VSIG2: variants seen among roughly 807,000 people sequenced by gnomAD.
The protein encoded by VSIG2 is V-set and immunoglobulin domain containing 2.
Under a neutral mutation model 29.4 loss-of-function variants are expected in VSIG2, and 30 were observed. The observed-to-expected ratio is 1.02, with a 90% CI of 0.76 to 1.38. The LOEUF (loss-of-function observed/expected upper bound fraction) is 1.38. Ranked by LOEUF, VSIG2 falls within the 40% of genes most tolerant of loss-of-function variation. VSIG2 has a pLI of 0.00. For synonymous variants in VSIG2, 178 were observed against 174.2 expected (o/e 1.02, Z -0.17); for missense variants, 421 against 400.8 (o/e 1.05, Z -0.43).
At chr11:124,751,648 C>G in intron 1 of VSIG2, 68 bp from the exon 2 acceptor site, 1 of 1,466,408 alleles carries the variant, frequency 6.8e-7, no homozygotes, top group Non-Finnish European at 9.0e-7. Context: ...GGCCCACCCC[C>G]GGGCATCTAT....
chr11:124,749,888 A>C lies in VSIG2; in HGVS notation c.428-22T>G, dbSNP rs537866915. The C allele has an allele frequency of 1.1e-4, 174 of 1,536,478 alleles. 1 individual carries two copies. Among genetic ancestry groups the C allele is most frequent in the East Asian group, 3.7e-4 (16 of 43,794 alleles). ...GGAACTGCAAAAAAAAAAAAAAAAA[A>C]AAAAAAACAGAAAGTTCCTCAGCAA... On this transcript the variant is annotated intron_variant, in intron 3 of 6. Coordinates refer to ENST00000326621, the MANE Select transcript of VSIG2 (RefSeq NM_014312.5).
intron 3 of VSIG2, 120 bp from the exon 4 acceptor site, chr11:124,749,986 T>G: frequency 8.6e-7 from 1 of 1,163,076 alleles, no homozygotes; most frequent in Non-Finnish European, 1.2e-6. Context: ...ACAGTGGTCC[T>G]CTTGGGTCCA....
chr11:124,752,167 T>C lies in VSIG2; in HGVS notation c.-30A>G. The C allele has an allele frequency of 6.5e-7, 1 of 1,543,270 alleles. No individual in the cohort carries two copies. The highest frequency in any genetic ancestry group is 8.7e-7 in the Non-Finnish European group (1 of 1,151,742). ...GCGTCCGGCCGTCCTGTCCTGCTCC[T>C]GCCAGGTGGGCGGTCAAGGTCGGTC... On this transcript the variant is annotated 5_prime_UTR_variant, in exon 1 of 7. Transcript: ENST00000326621.
chr11:124,749,869 G>GCAAAACAAAAAAAAAA lies in VSIG2; in HGVS notation c.428-4_428-3insTTTTTTTTTTGTTTTG. ...GCATAAGGGATTACTGGGGGGAACT[G>GCAAAACAAAAAAAAAA]CAAAAAAAAAAAAAAAAAAAAAAAA... is the stretch of plus-strand genomic sequence containing the variant. On this transcript the variant is annotated splice_polypyrimidine_tract_variant and splice_region_variant and intron_variant, in intron 3 of 6. Coordinates refer to ENST00000326621, the MANE Select transcript of VSIG2 (RefSeq NM_014312.5). 1 of 559,102 alleles carries GCAAAACAAAAAAAAAA rather than the reference G, an allele frequency of 1.8e-6. No individual in the cohort carries two copies. The highest frequency in any genetic ancestry group is 7.1e-5 in the South Asian group (1 of 13,990). The allele number at this position is 559,102 out of a possible 1,614,324, so 34.6% of individuals were successfully genotyped here.
chr11:124,748,601 C>A (rs370176409), intron 5 of VSIG2, 43 bp downstream of exon 5: 1 of 1,607,300 alleles, frequency 6.2e-7, no homozygotes, highest in Non-Finnish European at 8.5e-7. Flanking sequence ...GACAGCTTCC[C>A]CAACACAAGG....
rs761949825 is a variant in VSIG2, at chr11:124,748,756, C to T, written c.594G>A (p.Val198=). Residue 198 remains valine (V), a synonymous_variant, in exon 5 of 7, where the codon GTG becomes GTA. Coordinates refer to ENST00000326621, the MANE Select transcript of VSIG2 (RefSeq NM_014312.5). The part of the protein sequence containing the change: ...PSPGSMVQDE[V]SGQLILTNLS... ...GGTTGGTGAGAATGAGCTGGCCAGACACCTCATCTAGAGGATGAAGAGGAA... is the reference window on the plus strand; with the variant it reads ...GGTTGGTGAGAATGAGCTGGCCAGATACCTCATCTAGAGGATGAAGAGGAA... 2 of 1,614,168 alleles carry T rather than the reference C, an allele frequency of 1.2e-6. No homozygotes were observed. Among genetic ancestry groups the T allele is most frequent in the East Asian group, 4.5e-5 (2 of 44,884 alleles).
rs765482100 is a variant in VSIG2 at position 124,748,759 on chromosome 11, C to T, written c.591G>A (p.Glu197=). ...TGGTGAGAATGAGCTGGCCAGACACCTCATCTAGAGGATGAAGAGGAAGTG... is the reference window on the plus strand; with the variant it reads ...TGGTGAGAATGAGCTGGCCAGACACTTCATCTAGAGGATGAAGAGGAAGTG... ...TPSPGSMVQD[E]VSGQLILTNL... The change falls in exon 5 of 7, where the codon GAG becomes GAA. Residue 197 remains glutamate, a synonymous_variant. Coordinates refer to ENST00000326621, the MANE Select transcript of VSIG2 (RefSeq NM_014312.5). 6.2e-7 allele frequency: 1 copy of T among 1,614,136 alleles called. No individual in the cohort carries two copies. The highest frequency in any genetic ancestry group is 1.7e-5 in the Admixed American group (1 of 60,020).
chr11:124,748,764 C>G lies in VSIG2; in HGVS notation c.587-1G>C. The G allele has an allele frequency of 6.2e-7, 1 of 1,614,176 alleles. No homozygotes were observed. The highest frequency in any genetic ancestry group is 8.5e-7 in the Non-Finnish European group (1 of 1,180,034). On this transcript the variant is annotated splice_acceptor_variant, in intron 4 of 6. Coordinates refer to ENST00000326621, the MANE Select transcript of VSIG2 (RefSeq NM_014312.5). LOFTEE classifies it high-confidence loss of function. ...AGAATGAGCTGGCCAGACACCTCAT[C>G]TAGAGGATGAAGAGGAAGTGTTCCA...
chr11:124,749,685 T>C, intron 4 of VSIG2, 23 bp downstream of exon 4: 1 of 1,608,256 alleles, frequency 6.2e-7, no homozygotes, highest in Non-Finnish European at 8.5e-7. Flanking sequence ...CAGTACCCTC[T>C]TCCTGATGCC....
rs7125639 is a variant in VSIG2, at chr11:124,751,420, C to T, written c.219+3G>A. 4.3e-3 allele frequency: 6,946 copies of T among 1,611,472 alleles called. 180 individuals are homozygous for T. The African/African-American group carries it at 0.065, about 15-fold the overall frequency. ...CAGCTTCATGCAGTCGCTCTCAGCT[C>T]ACTGGATGGGACTCAGAGATGGGTT... On this transcript the variant is annotated splice_donor_region_variant and intron_variant, in intron 2 of 6. Coordinates refer to ENST00000326621, the MANE Select transcript of VSIG2 (RefSeq NM_014312.5).
rs948070998 is a variant in VSIG2 at position 124,752,103 on chromosome 11, G to A, written c.35C>T (p.Ala12Val). The change falls in exon 1 of 7, where the codon GCC becomes GTC. Residue 12 changes from alanine (A) to valine (V), a missense_variant. Transcript: ENST00000326621. ...AELPGPFLCG[A>V]LLGFLCLSGL... ...ACTCAGGCACAGGAAGCCTAGCAGG[G>A]CCCCGCAGAGAAAGGGCCCCGGGAG... The A allele has an allele frequency of 4.4e-6, 7 of 1,606,566 alleles. No homozygotes were observed. The highest frequency in any genetic ancestry group is 5.1e-6 in the Non-Finnish European group (6 of 1,178,832).
In VSIG2 at chr11:124,750,844, G is replaced by C. The variant is rs1030376097; in HGVS notation, c.297C>G (p.Pro99=). The C allele has an allele frequency of 3.1e-6, 5 of 1,613,954 alleles. No homozygotes were observed. The highest frequency in any genetic ancestry group is 1.3e-5 in the African/African-American group (1 of 74,992). The part of the protein sequence containing the change: ...SKRVSLLQNP[P]TVGVATLKLT... ...GTTTCAGTGTGGCCACCCCCACTGT[G>C]GGGGGGTTCTGAAGCAGGCTGACCC... The change falls in exon 3 of 7, where the codon CCC becomes CCG. Residue 99 remains proline, a synonymous_variant. Transcript: ENST00000326621.
Position 124,747,590 on chromosome 11 carries a change from G to A in VSIG2, c.929C>T (p.Pro310Leu), listed in dbSNP as rs1267199365. ...GGTCGTCACGGTGCTGGCAGACGAG[G>A]GTCTTTCCAGGAACCCCTTGCTAGA... ...ADSSKGFLER[P>L]SSASTVTTTK... The change falls in exon 7 of 7, where the codon CCC becomes CTC. Residue 310 changes from proline (P) to leucine (L), a missense_variant. Pro to Leu is a moderately conservative substitution (Grantham distance 98). Coordinates refer to ENST00000326621, the MANE Select transcript of VSIG2 (RefSeq NM_014312.5). The A allele has an allele frequency of 6.2e-7, 1 of 1,613,796 alleles. No homozygotes were observed.
At position 124,748,633 on chromosome 11, in the gene VSIG2, A is replaced by G; in HGVS notation, c.706+11T>C. 1 of 1,610,932 alleles carries G rather than the reference A, an allele frequency of 6.2e-7. No individual in the cohort carries two copies. Among genetic ancestry groups the G allele is most frequent in the Non-Finnish European group, 8.5e-7 (1 of 1,177,984 alleles). On this transcript the variant is annotated intron_variant, in intron 5 of 6. Coordinates refer to ENST00000326621, the MANE Select transcript of VSIG2 (RefSeq NM_014312.5). ...AAGGCTGCTGGCCTGGCCTCCACCC[A>G]GCATCCCTACCGGTCACAGAGAGGG...
At chr11:124,748,334 T>A (rs1323959691) in intron 6 of VSIG2, 56 bp downstream of exon 6, 1 of 1,538,006 alleles carries the variant, frequency 6.5e-7, no homozygotes, top group Non-Finnish European at 8.8e-7. Context: ...AGGCACCCGC[T>A]TTTAACTCAA....
intron 6 of VSIG2, 102 bp from the exon 7 acceptor site, chr11:124,747,769 A>T: frequency 7.8e-7 from 1 of 1,289,426 alleles, no homozygotes; most frequent in Non-Finnish European, 1.1e-6. Context: ...GCTTGAGAAT[A>T]ATCTGCGGAA....
intron 4 of VSIG2, 64 bp from the exon 5 acceptor site, chr11:124,748,827 G>A (rs1183438765): frequency 6.2e-7 from 1 of 1,611,476 alleles, no homozygotes; most frequent in Admixed American, 1.7e-5. Flanking sequence ...TACGAGGACA[G>A]CACATTTCAT....
In VSIG2 at chr11:124,748,406, C is replaced by T. The variant is rs1944041597; in HGVS notation, c.835G>A (p.Gly279Arg). ...ERGKKPKETY[G>R]GSDLREDAIA... is the part of the protein sequence containing the mutation. Reference sequence around the variant, plus strand: ...CCTGCTCACCGAAGGTCACTACCCCCATATGTCTCCTTGGGCTTCTTCCCC... The same window carrying T: ...CCTGCTCACCGAAGGTCACTACCCCTATATGTCTCCTTGGGCTTCTTCCCC... The change falls in exon 6 of 7, where the codon GGG becomes AGG. Residue 279 changes from glycine to arginine, a missense_variant. By Grantham distance (125) the Gly-to-Arg change is moderately radical (BLOSUM62 -2). Coordinates refer to ENST00000326621, the MANE Select transcript of VSIG2 (RefSeq NM_014312.5). 3.7e-6 allele frequency: 6 copies of T among 1,613,434 alleles called. No individual in the cohort carries two copies. The highest frequency in any genetic ancestry group is 5.1e-6 in the Non-Finnish European group (6 of 1,179,642).
At chr11:124,748,095 A>G in intron 6 of VSIG2, 1 of 412,862 alleles carries the variant, frequency 2.4e-6, no homozygotes, top group Admixed American at 4.1e-5. Context: ...GTTAAAATAT[A>G]TGAAAATACC....
Sources: gnomAD v4.1 joint callset for allele counts on GRCh38, gnomAD v4.1.1 for gene constraint, MANE v1.5 for transcripts, NCBI Gene and HGNC (gene_info 2026-07-23, HGNC 2026-07-21) for gene names.